Variants in ATP6V0A1 observed in about 807,000 individuals in gnomAD.
ATP6V0A1 encodes V-type proton ATPase 116 kDa subunit a 1.
Under a neutral mutation model 105.4 loss-of-function variants are expected in ATP6V0A1, and 43 were observed. The observed-to-expected ratio is 0.41, with a 90% confidence interval of 0.32 to 0.53. ATP6V0A1 has a LOEUF of 0.53. Ranked by LOEUF, ATP6V0A1 falls within the 20% of genes least tolerant of loss-of-function variation. The pLI, the probability that ATP6V0A1 is intolerant of heterozygous loss-of-function variation, is 0.30. For synonymous variants in ATP6V0A1, 362 were observed against 372.8 expected, an observed-to-expected ratio of 0.97 and a Z score of 0.33; for missense variants, 676 against 1,051.1, an observed-to-expected ratio of 0.64 and a Z score of 4.93.
At chr17:42,504,413 T>C (rs146299756) in intron 17 of ATP6V0A1, among the ~76,000 whole-genome samples, 1 of 152,342 alleles carries the variant, frequency 6.6e-6, no homozygotes, top group East Asian at 1.9e-4. Flanking sequence ...GTTTATCTGC[T>C]AGTTGGAGAA....
intron 17 of ATP6V0A1, among the ~76,000 whole-genome samples, chr17:42,503,649 T>C (rs2091846033): frequency 6.6e-6 from 1 of 152,238 alleles, no homozygotes; most frequent in African/African-American, 2.4e-5. Context: ...TCACCAGTAG[T>C]GATTACGCAT....
chr17:42,484,468 C>A (rs1384936203), intron 9 of ATP6V0A1, among the ~76,000 whole-genome samples: 1 of 152,196 alleles, frequency 6.6e-6, no homozygotes, highest in Non-Finnish European at 1.5e-5. Context: ...ACACACCCTC[C>A]TGAGGCAGCT....
intron 11 of ATP6V0A1, among the ~76,000 whole-genome samples, chr17:42,491,211 T>G (rs2090591754): frequency 6.6e-6 from 1 of 152,020 alleles, no homozygotes; most frequent in Admixed American, 6.6e-5. Context: ...TGCCTGGCCT[T>G]TTTGTTCATT....
At chr17:42,482,439 A>T (rs936452357) in intron 8 of ATP6V0A1, among the ~76,000 whole-genome samples, 2 of 151,926 alleles carry the variant, frequency 1.3e-5, no homozygotes, top group African/African-American at 4.8e-5. Flanking sequence ...GAGCCACTGC[A>T]CCTGGTCTAG....
chr17:42,485,029 T>C (rs1269428225), intron 9 of ATP6V0A1, among the ~76,000 whole-genome samples: 2 of 152,174 alleles, frequency 1.3e-5, no homozygotes, highest in Admixed American at 6.5e-5. Flanking sequence ...TTTGTATTTT[T>C]AGTAGAGATG....
At chr17:42,507,658 T>G (rs748724004) in intron 18 of ATP6V0A1, 31 bp downstream of exon 18, 35 of 1,580,048 alleles carry the variant, frequency 2.2e-5, no homozygotes, top group Non-Finnish European at 3.0e-5. Flanking sequence ...CTTTCTCTCC[T>G]TCCACCTCGG....
chr17:42,486,249 A>G (rs2090097162), intron 9 of ATP6V0A1, among the ~76,000 whole-genome samples: 1 of 152,054 alleles, frequency 6.6e-6, no homozygotes, highest in African/African-American at 2.4e-5. Context: ...CGTCTCTACT[A>G]AAAATATAAA....
At chr17:42,482,359 C>T (rs1162521561) in intron 8 of ATP6V0A1, among the ~76,000 whole-genome samples, 1 of 151,942 alleles carries the variant, frequency 6.6e-6, no homozygotes, top group African/African-American at 2.4e-5. Flanking sequence ...GTTGCTCAGG[C>T]TGGTCTTAAA....
intron 9 of ATP6V0A1, among the ~76,000 whole-genome samples, chr17:42,485,869 C>G (rs2090058375): frequency 6.6e-6 from 1 of 152,138 alleles, no homozygotes; most frequent in Non-Finnish European, 1.5e-5. Flanking sequence ...TAGTCCACAA[C>G]CAGAAGGAAA....
intron 1 of ATP6V0A1, chr17:42,460,143 G>A (rs1047605161): frequency 2.0e-5 from 3 of 152,224 alleles, no homozygotes; most frequent in African/African-American, 7.2e-5. Flanking sequence ...AAGCTGCAGA[G>A]GTGGAAGGCT....
At chr17:42,459,430 C>T (rs979302095) in intron 1 of ATP6V0A1, among the ~76,000 whole-genome samples, 2 of 152,208 alleles carry the variant, frequency 1.3e-5, no homozygotes, top group Admixed American at 1.3e-4. Flanking sequence ...TAGTTGGACT[C>T]ATCTTTTGCA....
At position 42,487,362 on chromosome 17, in the gene ATP6V0A1, G is replaced by A; in HGVS notation, c.1018G>A (p.Gly340Ser). 6.2e-7 allele frequency: 1 copy of A among 1,613,576 alleles called. No homozygotes were observed. The highest frequency in any genetic ancestry group is 1.1e-5 in the South Asian group (1 of 91,020). Residue 340 changes from glycine (G) to serine (S), a missense_variant, in exon 10 of 22, where the codon GGC becomes AGC. Gly to Ser is a moderately conservative substitution (Grantham distance 56, BLOSUM62 0). This residue lies in a region of ATP6V0A1 where 435 missense variants were observed against 642.2 expected (regional missense o/e 0.68). Coordinates refer to ENST00000343619, the MANE Select transcript of ATP6V0A1 (RefSeq NM_001130021.3). ...CTCCATCCAGTTTGCACTCAGAAGG[G>A]GCACGGTGAGTCCCCAAAGCTAACA... is the stretch of plus-strand genomic sequence containing the variant. The part of the protein sequence containing the change: ...LDSIQFALRR[G>S]TEHSGSTVPS...
chr17:42,466,686 T>C (rs1335275147), intron 3 of ATP6V0A1, among the ~76,000 whole-genome samples, 179 bp downstream of exon 3: 1 of 152,210 alleles, frequency 6.6e-6, no homozygotes, highest in African/African-American at 2.4e-5. Context: ...TTGGGCTAAG[T>C]AGTGCTTAAT....
chr17:42,487,625 G>C (rs1169442836), intron 10 of ATP6V0A1, among the ~76,000 whole-genome samples: 2 of 152,096 alleles, frequency 1.3e-5, no homozygotes, highest in Non-Finnish European at 2.9e-5. Context: ...CTACTCTGGA[G>C]ACTGAGGCAG....
At chr17:42,491,124 A>G (rs1488842053) in intron 11 of ATP6V0A1, among the ~76,000 whole-genome samples, 2 of 151,886 alleles carry the variant, frequency 1.3e-5, no homozygotes, top group South Asian at 2.1e-4. Flanking sequence ...TGCCCAAGCT[A>G]GTCTTGGACT....
intron 5 of ATP6V0A1, among the ~76,000 whole-genome samples, chr17:42,476,493 T>G (rs573887839): frequency 6.6e-6 from 1 of 152,344 alleles, no homozygotes; most frequent in African/African-American, 2.4e-5. Context: ...AGAGGATGAT[T>G]GTTCTGGTTT....
At chr17:42,467,085 T>C (rs1296418994) in intron 3 of ATP6V0A1, among the ~76,000 whole-genome samples, 3 of 151,904 alleles carry the variant, frequency 2.0e-5, no homozygotes, top group Non-Finnish European at 4.4e-5. Context: ...AGGCAGAGCT[T>C]GCAGTGAGCT....
intron 9 of ATP6V0A1, among the ~76,000 whole-genome samples, chr17:42,486,464 T>C (rs910757753): frequency 2.0e-5 from 3 of 151,390 alleles, no homozygotes; most frequent in Non-Finnish European, 4.4e-5. Context: ...AAAATGTTCC[T>C]GTACCTTCCT....
At chr17:42,474,514 C>T (rs1163847165) in intron 5 of ATP6V0A1, among the ~76,000 whole-genome samples, 1 of 152,178 alleles carries the variant, frequency 6.6e-6, no homozygotes, top group Non-Finnish European at 1.5e-5. Flanking sequence ...AGGTTCCTTT[C>T]CATAGACCTT....
Sources: gnomAD v4.1 joint callset for allele counts (sites outside exome capture counted in the v4.1 genomes callset) on GRCh38, gnomAD v4.1.1 for gene constraint, gnomAD v4.1.1 regional missense constraint, MANE v1.5 for transcripts, NCBI Gene and HGNC (gene_info 2026-07-23, HGNC 2026-07-21) for gene names.